VPS35L: variants seen among roughly 807,000 people sequenced by gnomAD.
VPS35L encodes the protein VPS35 endosomal protein sorting factor like.
A neutral mutation model predicts 133.0 loss-of-function variants in VPS35L; 83 were observed. The observed-to-expected ratio is 0.62, with a 90% CI of 0.52 to 0.75. The LOEUF (loss-of-function observed/expected upper bound fraction) is 0.75, where lower values mean the gene tolerates loss of function less well. VPS35L is among the 30% of genes least tolerant of loss of function. VPS35L has a pLI of 0.00. For synonymous variants in VPS35L, 423 were observed against 449.9 expected (o/e 0.94, Z 0.76); for missense variants, 1,083 against 1,206.8 (o/e 0.90, Z 1.52).
intron 9 of VPS35L, among the ~76,000 whole-genome samples, chr16:19,604,585 G>C (rs1231903752): frequency 6.6e-6 from 1 of 152,062 alleles, no homozygotes; most frequent in Non-Finnish European, 1.5e-5. Context: ...AACCTGAAAA[G>C]AACAGTAGAT....
intron 2 of VPS35L, among the ~76,000 whole-genome samples, chr16:19,566,260 C>G (rs1190003775): frequency 6.6e-6 from 1 of 152,162 alleles, no homozygotes; most frequent in Non-Finnish European, 1.5e-5. Flanking sequence ...CTTTGGGAGG[C>G]TGAAGTGGGT....
intron 29 of VPS35L, 32 bp downstream of exon 29, chr16:19,691,503 C>A (rs1361984877): frequency 6.4e-7 from 1 of 1,554,854 alleles, no homozygotes; most frequent in Admixed American, 1.7e-5. Context: ...CCACCCGCCC[C>A]TTGCTCTGAA....
intron 3 of VPS35L, among the ~76,000 whole-genome samples, chr16:19,571,626 C>T (rs1249887727): frequency 6.6e-6 from 1 of 151,956 alleles, no homozygotes; most frequent in Non-Finnish European, 1.5e-5. Flanking sequence ...CTCACTGTGA[C>T]CTCTGTCTCC....
intron 22 of VPS35L, among the ~76,000 whole-genome samples, chr16:19,642,877 C>G (rs1427341901): frequency 6.6e-6 from 1 of 152,158 alleles, no homozygotes; most frequent in African/African-American, 2.4e-5. Context: ...GAGGCTGAGA[C>G]CTATCCACAG....
At chr16:19,558,253 C>T (rs567946305) in intron 1 of VPS35L, among the ~76,000 whole-genome samples, 23 of 152,304 alleles carry the variant, frequency 1.5e-4, no homozygotes, top group South Asian at 1.0e-3. Flanking sequence ...AGACATCACT[C>T]GTAAAGTGCG....
intron 7 of VPS35L, among the ~76,000 whole-genome samples, chr16:19,590,076 C>T (rs1465936532): frequency 2.0e-5 from 3 of 149,384 alleles, no homozygotes; most frequent in Non-Finnish European, 4.4e-5. Context: ...TGGAATTCCA[C>T]ATACATCCAG....
chr16:19,595,252 G>T (rs1041861174), intron 8 of VPS35L, among the ~76,000 whole-genome samples: 2 of 152,148 alleles, frequency 1.3e-5, no homozygotes, highest in Admixed American at 6.5e-5. Context: ...AGACTGTAGG[G>T]CGGGGGTAGA....
intron 7 of VPS35L, among the ~76,000 whole-genome samples, chr16:19,586,089 A>G (rs12929400): frequency 0.13 from 19,219 of 151,932 alleles, 1,529 homozygotes; most frequent in East Asian, 0.34. Context: ...GTAGAAACGG[A>G]GGGTTTTACT....
intron 9 of VPS35L, among the ~76,000 whole-genome samples, chr16:19,602,322 G>C (rs550312630): frequency 6.6e-6 from 1 of 151,938 alleles, no homozygotes; most frequent in Non-Finnish European, 1.5e-5. Flanking sequence ...TTTAACTTCC[G>C]AGCACTGCTA....
Position 19,697,235 on chromosome 16 carries a change from G to A in VPS35L, c.2647-2267G>A, listed in dbSNP as rs375885049. Among the ~76,000 whole-genome samples the A allele has an allele frequency of 1.1e-4, 16 of 152,348 alleles. 1 individual carries two copies. Among genetic ancestry groups the A allele is most frequent in the African/African-American group, 3.8e-4 (16 of 41,592 alleles). On this transcript the variant is annotated intron_variant, in intron 29 of 30. Coordinates refer to ENST00000417362, the MANE Select transcript of VPS35L (RefSeq NM_020314.7). Reference sequence around the variant, plus strand: ...TGCTTCTGTGACTGTCGCTGCTCTAGGCTGTTGCCAAGGCAGGCTCAATTT... The same window carrying A: ...TGCTTCTGTGACTGTCGCTGCTCTAAGCTGTTGCCAAGGCAGGCTCAATTT...
chr16:19,692,303 G>A (rs1975721502), intron 29 of VPS35L, among the ~76,000 whole-genome samples: 2 of 152,198 alleles, frequency 1.3e-5, no homozygotes, highest in African/African-American at 4.8e-5. Flanking sequence ...TGCTCCATCA[G>A]TTCATGGTGA....
chr16:19,682,130 C>A, intron 27 of VPS35L, 95 bp from the exon 28 acceptor site: 1 of 1,361,662 alleles, frequency 7.3e-7, no homozygotes, highest in Non-Finnish European at 1.0e-6. Flanking sequence ...TTCTCTACAG[C>A]TGCTGCGGGA....
intron 3 of VPS35L, among the ~76,000 whole-genome samples, chr16:19,570,857 A>G (rs1223129603): frequency 2.2e-5 from 1 of 44,544 alleles, no homozygotes; most frequent in African/African-American, 2.4e-4. Flanking sequence ...ATATATATAT[A>G]TATATATATA....
rs1008986629 is a variant in VPS35L, at chr16:19,573,213, G to C, written c.380G>C (p.Arg127Pro). ...AACAAACGGGGAGAAATCCTTGCCC[G>C]GTACACCACTACCGAAAAGCTGTCT... ...WTNKRGEILA[R>P]YTTTEKLSIN... The change falls in exon 4 of 31, where the codon CGG (arginine) becomes CCG (proline). Residue 127 changes from arginine (R) to proline (P), a missense_variant. Physicochemically the swap from Arg to Pro is moderately radical, Grantham distance 103. Coordinates refer to ENST00000417362, the MANE Select transcript of VPS35L (RefSeq NM_020314.7). 2.8e-5 allele frequency: 45 copies of C among 1,613,740 alleles called. No homozygotes were observed. The highest frequency in any genetic ancestry group is 3.8e-5 in the Non-Finnish European group (45 of 1,179,882).
At chr16:19,689,188 A>G (rs1057058370) in intron 28 of VPS35L, among the ~76,000 whole-genome samples, 2 of 151,564 alleles carry the variant, frequency 1.3e-5, no homozygotes, top group African/African-American at 4.9e-5. Flanking sequence ...CATGTTGACC[A>G]GGATGGTCTT....
Position 19,601,244 on chromosome 16 carries a change from G to A in VPS35L, c.725-420G>A, listed in dbSNP as rs537544200. Among the ~76,000 whole-genome samples, 16 of 152,232 alleles carry A rather than the reference G, an allele frequency of 1.1e-4. No homozygotes were observed. In the East Asian group the frequency reaches 2.3e-3, roughly 22 times the overall value. ...ATGCCCAGCCTCTTCCAGTTTTTAC[G>A]TGTTGGTAACCAATTCAAAAAATGT... On this transcript the variant is annotated intron_variant, in intron 8 of 30. Transcript: ENST00000417362.
intron 19 of VPS35L, 152 bp from the exon 20 acceptor site, chr16:19,637,442 A>G: frequency 1.8e-6 from 1 of 542,358 alleles, no homozygotes; most frequent in South Asian, 2.6e-5. Context: ...TGAACAATCC[A>G]GGCTTACCTT....
At chr16:19,566,836 A>G (rs1971206501) in intron 2 of VPS35L, among the ~76,000 whole-genome samples, 2 of 150,852 alleles carry the variant, frequency 1.3e-5, no homozygotes, top group Admixed American at 1.3e-4. Flanking sequence ...TGCAACCTCT[A>G]CCTCCCGGGT....
chr16:19,569,070 T>C (rs1971278700), intron 2 of VPS35L, among the ~76,000 whole-genome samples: 1 of 152,214 alleles, frequency 6.6e-6, no homozygotes, highest in Admixed American at 6.5e-5. Context: ...TAGTGGGTAG[T>C]TGGCGATTTG....
Sources: gnomAD v4.1 joint callset for allele counts (sites outside exome capture counted in the v4.1 genomes callset) on GRCh38, gnomAD v4.1.1 for gene constraint, MANE v1.5 for transcripts, NCBI Gene and HGNC (gene_info 2026-07-23, HGNC 2026-07-21) for gene names.